Variants in THSD7B observed in about 807,000 individuals in gnomAD.
THSD7B encodes thrombospondin type 1 domain containing 7B, also known as thrombospondin type-1 domain-containing protein 7B.
THSD7B carries 138 observed loss-of-function variants against 213.6 expected under a neutral mutation model. The ratio of observed to expected loss-of-function variants is 0.65; its 90% CI spans 0.56 to 0.74. THSD7B has a LOEUF of 0.74. THSD7B is among the 30% of genes least tolerant of loss of function. The probability of loss-of-function intolerance (pLI) is 0.00; values close to 1 mark genes in which losing one functional copy is unlikely to be tolerated. For synonymous variants in THSD7B, 742 were observed against 687.0 expected (o/e 1.08, Z -1.25); for missense variants, 1,931 against 1,991.5 (o/e 0.97, Z 0.58).
intron 12 of THSD7B, among the ~76,000 whole-genome samples, chr2:137,325,717 A>G (rs1451124073): frequency 6.6e-6 from 1 of 152,226 alleles, no homozygotes; most frequent in Admixed American, 6.5e-5. Context: ...GAATGTAATG[A>G]AGTAACATAA....
chr2:136,786,692 T>C (rs1003636837), intron 1 of THSD7B, among the ~76,000 whole-genome samples: 10 of 152,196 alleles, frequency 6.6e-5, no homozygotes, highest in African/African-American at 1.9e-4. Context: ...CTAAAAATAA[T>C]GGCTGGATTA....
chr2:137,561,843 T>C (rs1207261945), intron 15 of THSD7B, among the ~76,000 whole-genome samples: 2 of 152,182 alleles, frequency 1.3e-5, no homozygotes, highest in East Asian at 3.8e-4. Context: ...ATTTTATTAC[T>C]TAATTCCTTT....
chr2:137,462,570 AAAAC>A (rs1396114619), intron 15 of THSD7B, among the ~76,000 whole-genome samples: 1 of 152,028 alleles, frequency 6.6e-6, no homozygotes, highest in African/African-American at 2.4e-5. Flanking sequence ...AAAACAAAAT[AAAAC>A]AAACAAACAA....
intron 15 of THSD7B, among the ~76,000 whole-genome samples, chr2:137,514,708 A>C (rs1680034543): frequency 6.6e-6 from 1 of 152,182 alleles, no homozygotes; most frequent in Non-Finnish European, 1.5e-5. Flanking sequence ...TAAGGACTCT[A>C]CTTCTAATAG....
At chr2:136,919,949 C>CA (rs1684407872) in intron 2 of THSD7B, among the ~76,000 whole-genome samples, 1 of 152,228 alleles carries the variant, frequency 6.6e-6, no homozygotes. Context: ...CAGCAGGGAA[C>CA]ATGGTGGTGC....
At position 137,424,737 on chromosome 2, in the gene THSD7B, GTTC is replaced by G. The variant is rs1471939430; in HGVS notation, c.2959+12867_2959+12869del. ...TAGAGTTGGCTCTCCATATTTAAAG[GTTC>G]TGCATTAGTGGACTTAACTCACCAC... On this transcript the variant is annotated intron_variant, in intron 14 of 27. Coordinates refer to ENST00000409968, the MANE Select transcript of THSD7B (RefSeq NM_001316349.2). Among the ~76,000 whole-genome samples the G allele has an allele frequency of 7.9e-5, 12 of 152,066 alleles. No individual in the cohort carries two copies. In the East Asian group the frequency reaches 1.9e-3, roughly 24 times the overall value.
At position 137,056,968 on chromosome 2, in the gene THSD7B, A is replaced by C; in HGVS notation, c.688A>C (p.Ile230Leu). 1 of 1,613,800 alleles carries C rather than the reference A, an allele frequency of 6.2e-7. No homozygotes were observed. Among genetic ancestry groups the C allele is most frequent in the Non-Finnish European group, 8.5e-7 (1 of 1,179,840 alleles). The change falls in exon 3 of 28, where the codon ATT (isoleucine) becomes CTT (leucine). Residue 230 changes from isoleucine to leucine, a missense_variant. By Grantham distance (5) the Ile-to-Leu change is conservative. Coordinates refer to ENST00000409968, the MANE Select transcript of THSD7B (RefSeq NM_001316349.2). ...LTESRACDAPISCPLGEEEYT... is the reference protein window; with the variant it reads ...LTESRACDAPLSCPLGEEEYT... ...TGAGTCAAGAGCCTGTGATGCTCCCATTTCCTGTCCTCTTGGGGAAGAGGA... is the reference window on the plus strand; with the variant it reads ...TGAGTCAAGAGCCTGTGATGCTCCCCTTTCCTGTCCTCTTGGGGAAGAGGA...
intron 12 of THSD7B, among the ~76,000 whole-genome samples, chr2:137,284,130 G>A (rs1302828599): frequency 6.6e-6 from 1 of 152,162 alleles, no homozygotes; most frequent in Admixed American, 6.5e-5. Flanking sequence ...AGTCTTGGGA[G>A]AGTGTATGTG....
chr2:137,595,109 A>G (rs192657864), intron 17 of THSD7B, among the ~76,000 whole-genome samples: 2 of 152,100 alleles, frequency 1.3e-5, no homozygotes, highest in Non-Finnish European at 2.9e-5. Context: ...TTCTGTGGCA[A>G]ACACAACTTT....
intron 12 of THSD7B, among the ~76,000 whole-genome samples, chr2:137,282,034 T>C (rs1017513925): frequency 6.6e-6 from 1 of 152,060 alleles, no homozygotes; most frequent in African/African-American, 2.4e-5. Flanking sequence ...TGTAAAAGTG[T>C]TCCTATTTCT....
intron 15 of THSD7B, among the ~76,000 whole-genome samples, chr2:137,537,405 A>G (rs1380528156): frequency 6.6e-6 from 1 of 151,746 alleles, no homozygotes. Context: ...ATAATAATAT[A>G]TAAATGGCAA....
rs1210363889 is a variant in THSD7B at position 137,294,583 on chromosome 2, C to CAAAAAAAAA, written c.2500+18570_2500+18578dup. Among the ~76,000 whole-genome samples the CAAAAAAAAA allele has an allele frequency of 3.1e-3, 225 of 73,198 alleles. 4 individuals are homozygous for CAAAAAAAAA. Among genetic ancestry groups the CAAAAAAAAA allele is most frequent in the African/African-American group, 0.011 (216 of 20,206 alleles). 48.0% of individuals were successfully genotyped at this position (73,198 alleles called of 152,430 possible). A position where few individuals can be genotyped will look rare whatever the true frequency, so the allele number is the denominator to read the frequency against. ...GGGTGAAAAGAGTGAAACTCCATCT[C>CAAAAAAAAA]AAAAAAAAAAAAAAAAAAAAAGAAA... is the stretch of plus-strand genomic sequence containing the variant. On this transcript the variant is annotated intron_variant, in intron 12 of 27. Coordinates refer to ENST00000409968, the MANE Select transcript of THSD7B (RefSeq NM_001316349.2).
chr2:136,766,984 T>TTGTG (rs143651112), intron 1 of THSD7B, among the ~76,000 whole-genome samples: 1 of 90,132 alleles, frequency 1.1e-5, no homozygotes, highest in Non-Finnish European at 2.5e-5. Context: ...GTGTGTGTGT[T>TTGTG]TGTGTGTGTG....
At chr2:137,492,097 G>A (rs552874858) in intron 15 of THSD7B, among the ~76,000 whole-genome samples, 22 of 151,798 alleles carry the variant, frequency 1.4e-4, no homozygotes, top group East Asian at 9.7e-4. Context: ...CATTCTTTAC[G>A]GTTTTACATT....
At chr2:137,666,509 T>C (rs1024980965) in intron 26 of THSD7B, among the ~76,000 whole-genome samples, 2 of 151,706 alleles carry the variant, frequency 1.3e-5, no homozygotes, top group African/African-American at 4.8e-5. Flanking sequence ...TCAAAACAAG[T>C]GTTGTTTACA....
intron 5 of THSD7B, among the ~76,000 whole-genome samples, chr2:137,149,996 G>A (rs1573854022): frequency 6.6e-6 from 1 of 152,016 alleles, no homozygotes; most frequent in African/African-American, 2.4e-5. Context: ...AATCCCAGCA[G>A]TTTGGGAGGC....
In THSD7B at chr2:137,580,759, C is replaced by T. The variant is rs185060352; in HGVS notation, c.3423+8203C>T. Among the ~76,000 whole-genome samples the T allele has an allele frequency of 8.5e-5, 13 of 152,220 alleles. No homozygotes were observed. In the East Asian group the frequency reaches 9.7e-4, roughly 11 times the overall value. On this transcript the variant is annotated intron_variant, in intron 17 of 27. Transcript: ENST00000409968. ...GGAAGGCCTCAGGAAGCTTTTACTT[C>T]GGTGAAGTGAGAGCAGGCAGGTCAC...
chr2:137,480,337 T>G (rs1688278970), intron 15 of THSD7B, among the ~76,000 whole-genome samples: 1 of 152,198 alleles, frequency 6.6e-6, no homozygotes, highest in Non-Finnish European at 1.5e-5. Flanking sequence ...AGTATATGTT[T>G]TCATCAGAAT....
At chr2:137,055,538 G>A (rs768996677) in intron 2 of THSD7B, among the ~76,000 whole-genome samples, 11 of 152,222 alleles carry the variant, frequency 7.2e-5, no homozygotes, top group African/African-American at 2.4e-4. Flanking sequence ...CTGCTGGTAT[G>A]TCTGTAGATG....
Sources: gnomAD v4.1 joint callset for allele counts (sites outside exome capture counted in the v4.1 genomes callset) on GRCh38, gnomAD v4.1.1 for gene constraint, MANE v1.5 for transcripts, NCBI Gene and HGNC (gene_info 2026-07-23, HGNC 2026-07-21) for gene names.